Variants in CCDC3 observed in about 807,000 individuals in gnomAD.
CCDC3 encodes coiled-coil domain-containing protein 3.
In CCDC3, 24 loss-of-function variants were observed where a neutral mutation model predicts 21.4. The ratio of observed to expected loss-of-function variants is 1.12; its 90% CI spans 0.81 to 1.58. CCDC3 has a LOEUF of 1.58. Ranked by LOEUF, CCDC3 falls within the 40% of genes most tolerant of loss-of-function variation. The probability of loss-of-function intolerance (pLI) is 0.00; values close to 1 mark genes in which losing one functional copy is unlikely to be tolerated. For synonymous variants in CCDC3, 186 were observed against 166.0 expected (o/e 1.12, Z -0.93); for missense variants, 425 against 360.9 (o/e 1.18, Z -1.44).
intron 2 of CCDC3, among the ~76,000 whole-genome samples, chr10:12,970,779 A>G (rs1167237180): frequency 6.6e-6 from 1 of 151,998 alleles, no homozygotes. Flanking sequence ...CCAGCTACTC[A>G]GGAGGTTGAG....
upstream of CCDC3, among the ~76,000 whole-genome samples, chr10:13,003,675 T>A (rs1218183688): frequency 2.6e-5 from 4 of 152,230 alleles, no homozygotes; most frequent in African/African-American, 9.6e-5. Flanking sequence ...TTTTTCTTAC[T>A]AACTGCATCT....
chr10:13,030,975 C>G (rs752808194), intron 5 of CCDC3, among the ~76,000 whole-genome samples: 65 of 152,306 alleles, frequency 4.3e-4, no homozygotes, highest in Middle Eastern at 3.4e-3. Context: ...GAATTGAACA[C>G]AGCTCTGCAC....
chr10:13,061,477 T>C (rs1188619919), intron 4 of CCDC3, among the ~76,000 whole-genome samples: 1 of 152,208 alleles, frequency 6.6e-6, no homozygotes, highest in East Asian at 1.9e-4. Flanking sequence ...TCTGAAGATA[T>C]TTATTCTGAG....
At chr10:13,073,836 A>T (rs376332065) in intron 4 of CCDC3, 1 of 152,090 alleles carries the variant, frequency 6.6e-6, no homozygotes. Flanking sequence ...CAATGAGAGA[A>T]TAAACCCAAC....
chr10:12,983,384 G>A (rs1330348309), intron 2 of CCDC3, among the ~76,000 whole-genome samples: 1 of 150,082 alleles, frequency 6.7e-6, no homozygotes, highest in African/African-American at 2.4e-5. Context: ...ACCAGCCTGG[G>A]CAACATGGTG....
chr10:12,917,278 C>T (rs1380157202), intron 2 of CCDC3, among the ~76,000 whole-genome samples: 2 of 150,216 alleles, frequency 1.3e-5, no homozygotes, highest in Non-Finnish European at 3.0e-5. Context: ...ACTGCAAGCT[C>T]CGCCTCCCGG....
At chr10:13,040,364 T>A (rs1401313806) in intron 5 of CCDC3, among the ~76,000 whole-genome samples, 1 of 152,176 alleles carries the variant, frequency 6.6e-6, no homozygotes, top group Non-Finnish European at 1.5e-5. Context: ...GTGAGCCTTA[T>A]CTATCAGTGG....
At chr10:13,045,559 A>G (rs1224356652) in intron 5 of CCDC3, among the ~76,000 whole-genome samples, 1 of 152,064 alleles carries the variant, frequency 6.6e-6, no homozygotes, top group African/African-American at 2.4e-5. Context: ...CAGGGGTTGC[A>G]GTCAGCCAAG....
chr10:12,913,644 T>C (rs1400044601), intron 2 of CCDC3, among the ~76,000 whole-genome samples: 1 of 152,252 alleles, frequency 6.6e-6, no homozygotes, highest in African/African-American at 2.4e-5. Context: ...AGAGTGAACA[T>C]CTTTGTCTTA....
chr10:13,070,182 T>C (rs1400705182), intron 4 of CCDC3, among the ~76,000 whole-genome samples: 1 of 152,234 alleles, frequency 6.6e-6, no homozygotes, highest in Non-Finnish European at 1.5e-5. Context: ...TTGAGCTATT[T>C]ACAGCCTTTA....
intron 2 of CCDC3, among the ~76,000 whole-genome samples, chr10:12,903,469 A>AT (rs1834124211): frequency 6.6e-6 from 1 of 152,228 alleles, no homozygotes; most frequent in Non-Finnish European, 1.5e-5. Flanking sequence ...GCTTTGTGGT[A>AT]TTTTTTGGTA....
chr10:13,008,071 C>T (rs1835945183), intron 5 of CCDC3, among the ~76,000 whole-genome samples: 1 of 152,156 alleles, frequency 6.6e-6, no homozygotes, highest in Admixed American at 6.5e-5. Context: ...AAAGAAGAGC[C>T]TGTCATGTGG....
At chr10:12,912,008 G>A (rs1834278017) in intron 2 of CCDC3, among the ~76,000 whole-genome samples, 1 of 152,118 alleles carries the variant, frequency 6.6e-6, no homozygotes, top group Non-Finnish European at 1.5e-5. Context: ...ATTCCACTGA[G>A]TATATACACA....
intron 5 of CCDC3, among the ~76,000 whole-genome samples, chr10:13,025,427 G>T (rs527609249): frequency 7.2e-5 from 11 of 152,214 alleles, no homozygotes; most frequent in African/African-American, 2.6e-4. Flanking sequence ...ACATATGAGG[G>T]GGCTCATAAG....
chr10:12,971,772 G>A lies in CCDC3; in HGVS notation c.549+26566C>T, dbSNP rs551265260. On this transcript the variant is annotated intron_variant, in intron 2 of 2. Transcript: ENST00000378825. Reference sequence around the variant, plus strand: ...GCAATCTCAGCTCACTGCAACCTCCGCCTCCCAGGTTCAAGCGATTCTCCT... The same window carrying A: ...GCAATCTCAGCTCACTGCAACCTCCACCTCCCAGGTTCAAGCGATTCTCCT... Among the ~76,000 whole-genome samples, 25 of 152,194 alleles carry A rather than the reference G, an allele frequency of 1.6e-4. 1 individual carries two copies. The South Asian group carries it at 3.9e-3, about 24-fold the overall frequency.
intron 2 of CCDC3, among the ~76,000 whole-genome samples, chr10:12,963,886 A>ACTCC (rs1479010563): frequency 6.6e-6 from 1 of 151,676 alleles, no homozygotes; most frequent in Non-Finnish European, 1.5e-5. Flanking sequence ...CCTGGCCTGA[A>ACTCC]CTCCAGTTTT....
intron 2 of CCDC3, among the ~76,000 whole-genome samples, chr10:12,990,872 A>G (rs542283714): frequency 2.0e-5 from 3 of 152,366 alleles, no homozygotes; most frequent in South Asian, 2.1e-4. Flanking sequence ...GTAGGAATAC[A>G]GAAAGTTCAT....
chr10:13,060,050 C>T (rs1241493893), intron 4 of CCDC3, among the ~76,000 whole-genome samples: 1 of 152,124 alleles, frequency 6.6e-6, no homozygotes, highest in Non-Finnish European at 1.5e-5. Flanking sequence ...CACCACTGCA[C>T]TCCAGCCTGA....
chr10:12,914,312 T>C (rs1834316009), intron 2 of CCDC3, among the ~76,000 whole-genome samples: 1 of 152,222 alleles, frequency 6.6e-6, no homozygotes, highest in African/African-American at 2.4e-5. Context: ...TAGTAGGTTG[T>C]ATGTGTCTAG....
Sources: allele counts gnomAD v4.1 joint callset (sites outside exome capture counted in the v4.1 genomes callset), GRCh38; gene constraint gnomAD v4.1.1; transcripts MANE v1.5; gene names NCBI Gene and HGNC (gene_info 2026-07-23, HGNC 2026-07-21).